The following PIP5K1C variants were observed in gnomAD, a reference collection of about 807,000 sequenced individuals.
The protein encoded by PIP5K1C is phosphatidylinositol-4-phosphate 5-kinase type 1 gamma.
PIP5K1C carries 45 observed loss-of-function variants against 80.1 expected under a neutral mutation model. The observed-to-expected ratio is 0.56, with a 90% CI of 0.44 to 0.72. The LOEUF (loss-of-function observed/expected upper bound fraction) is 0.72. PIP5K1C is among the 30% of genes least tolerant of loss of function. The pLI, the probability that PIP5K1C is intolerant of heterozygous loss-of-function variation, is 0.00. For missense variants in PIP5K1C, 753 were observed against 954.6 expected, an observed-to-expected ratio of 0.79 and a Z score of 2.78; for synonymous variants, 498 against 420.1, an observed-to-expected ratio of 1.19 and a Z score of -2.27.
chr19:3,645,502 T>A (rs889754643), intron 11 of PIP5K1C, among the ~76,000 whole-genome samples: 7 of 152,208 alleles, frequency 4.6e-5, no homozygotes, highest in African/African-American at 1.7e-4. Flanking sequence ...CCCACCACTG[T>A]TTGCCCTGGG....
intron 1 of PIP5K1C, among the ~76,000 whole-genome samples, chr19:3,689,357 C>CTA (rs1372697082): frequency 4.6e-5 from 7 of 152,144 alleles, no homozygotes; most frequent in Non-Finnish European, 1.0e-4. Context: ...CACAAAGGAA[C>CTA]TACCACAAAC....
At chr19:3,644,979 C>T (rs898429319) in intron 11 of PIP5K1C, among the ~76,000 whole-genome samples, 3 of 152,256 alleles carry the variant, frequency 2.0e-5, no homozygotes, top group Admixed American at 1.3e-4. Flanking sequence ...CCTGTGGCAT[C>T]GGTCCCAGAG....
chr19:3,662,712 C>T (rs556062521), intron 3 of PIP5K1C, among the ~76,000 whole-genome samples: 12 of 152,058 alleles, frequency 7.9e-5, no homozygotes, highest in East Asian at 1.9e-4. Flanking sequence ...ATTATAGGTG[C>T]GCGCCGTCAC....
chr19:3,681,965 T>C (rs890469364), intron 1 of PIP5K1C, among the ~76,000 whole-genome samples: 11 of 152,106 alleles, frequency 7.2e-5, no homozygotes, highest in African/African-American at 2.7e-4. Context: ...AGGAATATGC[T>C]TCCACGAGCC....
intron 8 of PIP5K1C, among the ~76,000 whole-genome samples, chr19:3,650,555 G>A (rs954811670): frequency 1.3e-5 from 2 of 152,218 alleles, no homozygotes; most frequent in African/African-American, 4.8e-5. Context: ...CAGTGCCCAG[G>A]ACAGCCCCAC....
intron 1 of PIP5K1C, 58 bp downstream of exon 1, chr19:3,700,239 G>A (rs1274891098): frequency 1.0e-6 from 1 of 998,208 alleles, no homozygotes; most frequent in South Asian, 4.1e-5. Flanking sequence ...GCAGCCCCGC[G>A]ACTCTCGGCG....
chr19:3,684,956 G>T (rs1009558418), intron 1 of PIP5K1C, among the ~76,000 whole-genome samples: 1 of 152,198 alleles, frequency 6.6e-6, no homozygotes, highest in Non-Finnish European at 1.5e-5. Flanking sequence ...TGGGATGGGG[G>T]AGGGTCTCTT....
intron 17 of PIP5K1C, 96 bp from the exon 18 acceptor site, chr19:3,633,265 G>A (rs1568303738): frequency 1.4e-6 from 1 of 698,366 alleles, no homozygotes; most frequent in Admixed American, 2.2e-5. Flanking sequence ...CACAGGCCCT[G>A]AGACACTTAG....
chr19:3,667,875 C>T (rs1600032174), intron 1 of PIP5K1C, among the ~76,000 whole-genome samples: 1 of 152,154 alleles, frequency 6.6e-6, no homozygotes, highest in East Asian at 1.9e-4. Flanking sequence ...TGAGGGGGGG[C>T]AGGCCCCCGC....
At position 3,633,014 on chromosome 19, in the gene PIP5K1C, G is replaced by T; in HGVS notation, c.*153C>A. The T allele has an allele frequency of 1.8e-6, 1 of 549,268 alleles. No individual in the cohort carries two copies. The highest frequency in any genetic ancestry group is 2.3e-5 in the South Asian group (1 of 43,010). The allele number at this position is 549,268 out of a possible 1,614,324, so 34.0% of individuals were successfully genotyped here. On this transcript the variant is annotated 3_prime_UTR_variant, in exon 18 of 18. Transcript: ENST00000335312. The stretch of plus-strand genomic sequence containing the variant: ...TGGGAGGCTTGTCGGGGAGGGGCCC[G>T]GCCGTCGGCATCCGTGCAGGGGGAG...
At chr19:3,665,919 C>T (rs772055943) in intron 2 of PIP5K1C, among the ~76,000 whole-genome samples, 21 of 152,206 alleles carry the variant, frequency 1.4e-4, no homozygotes, top group Non-Finnish European at 2.8e-4. Context: ...CCCCATCCCA[C>T]CGCTATCAGC....
At chr19:3,640,385 G>A (rs1211374566) in intron 15 of PIP5K1C, among the ~76,000 whole-genome samples, 3 of 152,038 alleles carry the variant, frequency 2.0e-5, no homozygotes, top group African/African-American at 2.4e-5. Flanking sequence ...GCGTGGTGGT[G>A]CATGCCTGTA....
At chr19:3,665,587 C>T (rs1209116085) in intron 2 of PIP5K1C, among the ~76,000 whole-genome samples, 1 of 152,154 alleles carries the variant, frequency 6.6e-6, no homozygotes, top group Non-Finnish European at 1.5e-5. Context: ...CGTAACTCCT[C>T]TCCCTCACCA....
Position 3,633,063 on chromosome 19 carries a change from G to A in PIP5K1C, c.*104C>T, listed in dbSNP as rs1170103912. On this transcript the variant is annotated 3_prime_UTR_variant, in exon 18 of 18. Coordinates refer to ENST00000335312, the MANE Select transcript of PIP5K1C (RefSeq NM_012398.3). ...AGGACGAGGTCCGGTGGGGCGGCGA[G>A]GCGGGCATCTCCCGAGCTCTGGGCC... 1.9e-5 allele frequency: 13 copies of A among 687,538 alleles called. No individual in the cohort carries two copies. The highest frequency in any genetic ancestry group is 1.5e-5 in the South Asian group (1 of 64,696). 42.6% of individuals were successfully genotyped at this position (687,538 alleles called of 1,614,324 possible).
Position 3,643,407 on chromosome 19 carries a change from T to C in PIP5K1C, c.1511-26A>G. ...CTGAGGGGAGAGGACTGTGGGCACCTTGCGGAGCCTCCGAGCCCCCAAACA... is the reference window on the plus strand; with the variant it reads ...CTGAGGGGAGAGGACTGTGGGCACCCTGCGGAGCCTCCGAGCCCCCAAACA... On this transcript the variant is annotated intron_variant, in intron 12 of 17. Transcript: ENST00000335312. 5 of 1,611,980 alleles carry C rather than the reference T, an allele frequency of 3.1e-6. No homozygotes were observed. The East Asian group carries it at 6.7e-5, about 22-fold the overall frequency.
intron 1 of PIP5K1C, among the ~76,000 whole-genome samples, chr19:3,689,966 A>G (rs960371580): frequency 1.3e-5 from 2 of 152,272 alleles, no homozygotes; most frequent in African/African-American, 4.8e-5. Flanking sequence ...AGCTTTCCAA[A>G]TAAACTATTT....
At chr19:3,678,520 A>C (rs1361254598) in intron 1 of PIP5K1C, among the ~76,000 whole-genome samples, 6 of 78,232 alleles carry the variant, frequency 7.7e-5, no homozygotes, top group African/African-American at 5.1e-5. Context: ...GGTGGGATGG[A>C]GGGAGGGATG....
intron 5 of PIP5K1C, 50 bp downstream of exon 5, chr19:3,660,916 G>T (rs760257230): frequency 6.9e-7 from 1 of 1,459,200 alleles, no homozygotes; most frequent in Non-Finnish European, 9.6e-7. Context: ...CCGAGACCCT[G>T]AACATGTTCT....
At position 3,643,385 on chromosome 19, in the gene PIP5K1C, A is replaced by C. The variant is rs112567031; in HGVS notation, c.1511-4T>G. On this transcript the variant is annotated splice_polypyrimidine_tract_variant and splice_region_variant and intron_variant, in intron 12 of 17. Coordinates refer to ENST00000335312, the MANE Select transcript of PIP5K1C (RefSeq NM_012398.3). ...CAGGGCAGGAGGTCGGGCCGGCCTG[A>C]GGGGAGAGGACTGTGGGCACCTTGC... The C allele has an allele frequency of 2.7e-5, 43 of 1,613,168 alleles. No individual in the cohort carries two copies. The African/African-American group carries it at 2.7e-4, about 10-fold the overall frequency.
Sources: allele counts gnomAD v4.1 joint callset (sites outside exome capture counted in the v4.1 genomes callset), GRCh38; gene constraint gnomAD v4.1.1; transcripts MANE v1.5; gene names NCBI Gene and HGNC (gene_info 2026-07-23, HGNC 2026-07-21).